ABCA6: variants seen among roughly 807,000 people sequenced by gnomAD.
The protein encoded by ABCA6 is ATP-binding cassette sub-family A member 6.
ABCA6 carries 164 observed loss-of-function variants against 191.2 expected under a neutral mutation model. That is an observed-to-expected ratio of 0.86 (90% confidence interval 0.76 to 0.98). ABCA6 has a LOEUF of 0.98. ABCA6 is among the 50% of genes least tolerant of loss of function. ABCA6 has a pLI of 0.00. For synonymous variants in ABCA6, 636 were observed against 647.7 expected (o/e 0.98, Z 0.27); for missense variants, 1,958 against 1,894.1 (o/e 1.03, Z -0.63).
At chr17:69,113,151 C>T (rs1251139017) in intron 15 of ABCA6, 71 bp downstream of exon 15, 2 of 1,526,926 alleles carry the variant, frequency 1.3e-6, no homozygotes, top group Non-Finnish European at 1.8e-6. Flanking sequence ...GGGCTCTTAC[C>T]CTGGGAATAG....
At chr17:69,115,225 GTA>G in intron 12 of ABCA6, 149 bp downstream of exon 12, 1 of 580,408 alleles carries the variant, frequency 1.7e-6, no homozygotes, top group Non-Finnish European at 2.9e-6. Flanking sequence ...GAAATATGAA[GTA>G]TATTCAAAAT....
Position 69,137,461 on chromosome 17 carries a change from G to C in ABCA6, c.136C>G (p.Leu46Val). ...LSILLGLCIA[L>V]FSSSMRNVQF... ...ACATTTCTCATGGAACTGGAAAACA[G>C]AGCAATACACAGTCCTAGAAGTATT... The change falls in exon 3 of 39, where the codon CTG becomes GTG. Residue 46 changes from leucine (L) to valine (V), a missense_variant. By Grantham distance (32) the Leu-to-Val change is conservative (BLOSUM62 1). Coordinates refer to ENST00000284425, the MANE Select transcript of ABCA6 (RefSeq NM_080284.3). The C allele has an allele frequency of 6.2e-7, 1 of 1,613,636 alleles. No individual in the cohort carries two copies. The highest frequency in any genetic ancestry group is 1.3e-5 in the African/African-American group (1 of 75,014).
intron 21 of ABCA6, 79 bp from the exon 22 acceptor site, chr17:69,101,013 AAC>A: frequency 1.6e-6 from 2 of 1,222,042 alleles, no homozygotes; most frequent in Non-Finnish European, 2.3e-6. Flanking sequence ...AAAAGATCCT[AAC>A]AGTGCCACAT....
intron 17 of ABCA6, chr17:69,109,557 C>T (rs1015746973): frequency 1.3e-5 from 2 of 152,082 alleles, no homozygotes; most frequent in Admixed American, 6.5e-5. Flanking sequence ...TCATTTTCCA[C>T]AGTTTCAATT....
intron 32 of ABCA6, 127 bp from the exon 33 acceptor site, chr17:69,084,634 TAA>T (rs920668438): frequency 1.2e-6 from 1 of 839,998 alleles, no homozygotes; most frequent in East Asian, 2.6e-5. Flanking sequence ...CTCATAATTT[TAA>T]AAAAGAGATT....
intron 22 of ABCA6, 182 bp from the exon 23 acceptor site, chr17:69,098,209 A>T (rs1325614871): frequency 6.6e-6 from 3 of 454,520 alleles, no homozygotes; most frequent in Non-Finnish European, 1.1e-5. Context: ...AACAAAGAGA[A>T]GTCAAAAGTC....
chr17:69,084,710 C>A (rs2072732936), intron 32 of ABCA6, among the ~76,000 whole-genome samples: 1 of 149,446 alleles, frequency 6.7e-6, no homozygotes. Context: ...TTAGGAAAAA[C>A]TAGAATTCTG....
chr17:69,083,815 T>C (rs2072701362), intron 34 of ABCA6, among the ~76,000 whole-genome samples: 1 of 151,756 alleles, frequency 6.6e-6, no homozygotes, highest in East Asian at 1.9e-4. Flanking sequence ...AAAGGGTAAA[T>C]CCTAGATGGG....
intron 15 of ABCA6, 73 bp from the exon 16 acceptor site, chr17:69,112,346 A>T: frequency 8.3e-7 from 1 of 1,210,338 alleles, no homozygotes; most frequent in Non-Finnish European, 1.2e-6. Context: ...AAAGACGAGG[A>T]GCCAAGGCTC....
intron 29 of ABCA6, 152 bp from the exon 30 acceptor site, chr17:69,086,887 A>C (rs1361895847): frequency 1.2e-5 from 7 of 564,378 alleles, no homozygotes; most frequent in Non-Finnish European, 6.2e-6. Flanking sequence ...TTAATGTAGA[A>C]AATATTTCTT....
intron 15 of ABCA6, 93 bp from the exon 16 acceptor site, chr17:69,112,366 A>G: frequency 1.1e-6 from 1 of 924,256 alleles, no homozygotes; most frequent in Non-Finnish European, 1.7e-6. Context: ...CAGAAGTGCA[A>G]AGGAGAAGTA....
Position 69,128,667 on chromosome 17 carries a change from C to T in ABCA6, c.1071G>A (p.Trp357Ter). The T allele has an allele frequency of 6.2e-7, 1 of 1,613,188 alleles. No individual in the cohort carries two copies. ...FYEQLPSSLE[W>*]ILNICSPFAF... ...CAAAAGGGCTACAAATATTCAAAAT[C>T]CACTCCAGAGATGAAGGAAGTTGTT... The change falls in exon 8 of 39, where the codon TGG becomes TGA. Residue 357 changes from tryptophan (W) to a stop codon, truncating the protein, a stop_gained. Transcript: ENST00000284425. LOFTEE classifies it high-confidence loss of function.
At chr17:69,094,320 T>C (rs1414949119) in intron 25 of ABCA6, 1 of 152,298 alleles carries the variant, frequency 6.6e-6, no homozygotes, top group Non-Finnish European at 1.5e-5. Context: ...TTCTGTCTTC[T>C]GCCATTTTTT....
At chr17:69,090,283 G>C (rs1348197236) in intron 26 of ABCA6, among the ~76,000 whole-genome samples, 2 of 152,290 alleles carry the variant, frequency 1.3e-5, no homozygotes, top group East Asian at 3.9e-4. Context: ...GAGTGGTACA[G>C]AGCTCCAAAA....
intron 29 of ABCA6, 95 bp from the exon 30 acceptor site, chr17:69,086,830 A>C: frequency 1.4e-6 from 1 of 722,184 alleles, no homozygotes; most frequent in Non-Finnish European, 2.3e-6. Flanking sequence ...GCCAAACCAT[A>C]TTTTGAGTTG....
intron 15 of ABCA6, chr17:69,112,840 A>G (rs2073454009): frequency 6.4e-6 from 1 of 155,330 alleles, no homozygotes; most frequent in South Asian, 2.0e-4. Context: ...TAAGCTCATG[A>G]ACACCAGTCT....
Position 69,114,784 on chromosome 17 carries a change from T to C in ABCA6, c.1760A>G (p.His587Arg). 2.5e-6 allele frequency: 4 copies of C among 1,611,756 alleles called. No individual in the cohort carries two copies. Among genetic ancestry groups the C allele is most frequent in the Non-Finnish European group, 3.4e-6 (4 of 1,178,898 alleles). The change falls in exon 13 of 39, where the codon CAT becomes CGT. Residue 587 changes from histidine to arginine, a missense_variant. Transcript: ENST00000284425. ...TACCTCTTGTTCCACTTCCTTTAGA[T>C]GAATCCCTTTTATTTTAGCAAACAG... is the stretch of plus-strand genomic sequence containing the variant. ...LSLFAKIKGI[H>R]LKEVEQEVQR...
At chr17:69,133,889 C>T (rs1327478197) in intron 5 of ABCA6, 22 bp from the exon 6 acceptor site, 1 of 1,440,522 alleles carries the variant, frequency 6.9e-7, no homozygotes, top group Non-Finnish European at 9.5e-7. Context: ...TTTAAACAAA[C>T]ATAATTATTA....
Position 69,129,725 on chromosome 17 carries a change from C to T in ABCA6, c.818G>A (p.Gly273Asp). 1 of 1,602,466 alleles carries T rather than the reference C, an allele frequency of 6.2e-7. No individual in the cohort carries two copies. The highest frequency in any genetic ancestry group is 8.5e-7 in the Non-Finnish European group (1 of 1,172,524). Reference protein sequence around the residue: ...FWLSWGLIYAGFIFIISIFVT... With the variant: ...FWLSWGLIYADFIFIISIFVT... The stretch of plus-strand genomic sequence containing the variant: ...GAATATGGAAATAATAAAGATGAAG[C>T]CAGCATAGATTAGACCCCAGGAGAG... The change falls in exon 7 of 39, where the codon GGC (glycine) becomes GAC (aspartate). Residue 273 changes from glycine (G) to aspartate (D), a missense_variant. Gly to Asp is a moderately conservative substitution (Grantham distance 94). Coordinates refer to ENST00000284425, the MANE Select transcript of ABCA6 (RefSeq NM_080284.3).
Sources: allele counts gnomAD v4.1 joint callset (sites outside exome capture counted in the v4.1 genomes callset), GRCh38; gene constraint gnomAD v4.1.1; transcripts MANE v1.5; gene names NCBI Gene and HGNC (gene_info 2026-07-23, HGNC 2026-07-21).